TMCO6: variants seen among roughly 807,000 people sequenced by gnomAD.
The protein encoded by TMCO6 is transmembrane and coiled-coil domain-containing protein 6.
Under a neutral mutation model 61.8 loss-of-function variants are expected in TMCO6, and 47 were observed. The ratio of observed to expected loss-of-function variants is 0.76; its 90% confidence interval spans 0.60 to 0.97. The LOEUF (loss-of-function observed/expected upper bound fraction) is 0.97, where lower values mean the gene tolerates loss of function less well. Ranked by LOEUF, TMCO6 falls within the 50% of genes least tolerant of loss-of-function variation. TMCO6 has a pLI of 0.00. For synonymous variants in TMCO6, 261 were observed against 254.2 expected (o/e 1.03, Z -0.25); for missense variants, 557 against 601.6 (o/e 0.93, Z 0.78).
the TMCO6 span, among the ~76,000 whole-genome samples, chr5:140,629,176 G>A: frequency 1.3e-5 from 2 of 152,236 alleles, no homozygotes; most frequent in East Asian, 3.9e-4. Context: ...GGCTGAGGCA[G>A]GAGCATCACT....
the TMCO6 span, among the ~76,000 whole-genome samples, chr5:140,625,653 A>G: frequency 2.0e-5 from 3 of 152,198 alleles, no homozygotes; most frequent in Non-Finnish European, 2.9e-5. Flanking sequence ...CCACTGCAAT[A>G]TGAACACTTT....
the TMCO6 span, among the ~76,000 whole-genome samples, chr5:140,601,675 T>A: frequency 6.6e-6 from 1 of 152,192 alleles, no homozygotes. Flanking sequence ...CGTAAAGCAG[T>A]GTTTCTCAAA....
chr5:140,632,550 G>T, the TMCO6 span: 15 of 1,614,036 alleles, frequency 9.3e-6, no homozygotes, highest in Admixed American at 2.5e-4. This position sits in a 1 kb window ranked among gnomAD's most constrained non-coding sequence, Gnocchi z 6.2. Flanking sequence ...GCGCAAGCTG[G>T]AAAGTGCAAG....
the TMCO6 span, among the ~76,000 whole-genome samples, chr5:140,612,357 T>TGA: frequency 6.8e-6 from 1 of 147,102 alleles, no homozygotes; most frequent in African/African-American, 2.5e-5. Context: ...TTTTTTTTTT[T>TGA]GAGACGGAGT....
Position 140,639,864 on chromosome 5 carries a change from G to A in TMCO6, c.198+13G>A. On this transcript the variant is annotated intron_variant, in intron 2 of 11. Coordinates refer to ENST00000394671, the MANE Select transcript of TMCO6 (RefSeq NM_018502.5). The stretch of plus-strand genomic sequence containing the variant: ...CGGGGAAACCGAGGTGAGGGGGCAA[G>A]GTAGGGTGCGCTGGAGTCCACGCCC... 6.3e-7 allele frequency: 1 copy of A among 1,589,896 alleles called. No individual in the cohort carries two copies. The highest frequency in any genetic ancestry group is 8.6e-7 in the Non-Finnish European group (1 of 1,169,144).
At chr5:140,602,755 CTCTG>C in the TMCO6 span, among the ~76,000 whole-genome samples, 6 of 150,684 alleles carry the variant, frequency 4.0e-5, no homozygotes, top group Non-Finnish European at 5.9e-5. Context: ...TAGAGCAAAA[CTCTG>C]TCTCTCTCAC....
chr5:140,641,754 C>T lies in TMCO6; in HGVS notation c.288C>T (p.His96=), dbSNP rs1757047919. 3.1e-6 allele frequency: 5 copies of T among 1,614,216 alleles called. No homozygotes were observed. The highest frequency in any genetic ancestry group is 4.2e-6 in the Non-Finnish European group (5 of 1,180,042). ...TCAGCCTTCGTCGAGGCTTGCAGCACCCTGAAACACAGCAAACCTTCATCC... is the reference window on the plus strand; with the variant it reads ...TCAGCCTTCGTCGAGGCTTGCAGCATCCTGAAACACAGCAAACCTTCATCC... ...ALVSLRRGLQ[H]PETQQTFIRL... The change falls in exon 3 of 12, where the codon CAC becomes CAT. Residue 96 remains histidine (H), a synonymous_variant. Transcript: ENST00000394671.
chr5:140,646,172 G>A (rs544502632), downstream of TMCO6, among the ~76,000 whole-genome samples: 3 of 151,936 alleles, frequency 2.0e-5, no homozygotes, highest in Non-Finnish European at 4.4e-5. Context: ...CACCACACCC[G>A]GCTAATTTTT....
At chr5:140,612,862 T>C in the TMCO6 span, among the ~76,000 whole-genome samples, 1 of 152,222 alleles carries the variant, frequency 6.6e-6, no homozygotes, top group South Asian at 2.1e-4. Flanking sequence ...TTCCTCACTT[T>C]CCTTTTGGTC....
chr5:140,635,581 T>G (rs540095207), upstream of TMCO6, among the ~76,000 whole-genome samples: 7 of 152,294 alleles, frequency 4.6e-5, no homozygotes, highest in African/African-American at 1.7e-4. Flanking sequence ...CACAGCTTGA[T>G]TCAACAAATG....
chr5:140,620,848 A>G, the TMCO6 span, among the ~76,000 whole-genome samples: 1 of 151,976 alleles, frequency 6.6e-6, no homozygotes, highest in African/African-American at 2.4e-5. Flanking sequence ...TTGCCTCTAC[A>G]AAAAAATTTC....
chr5:140,627,472 A>C, the TMCO6 span, among the ~76,000 whole-genome samples: 1 of 152,198 alleles, frequency 6.6e-6, no homozygotes, highest in African/African-American at 2.4e-5. Context: ...CAAATGTATA[A>C]ATTTTGAAGA....
the TMCO6 span, among the ~76,000 whole-genome samples, chr5:140,624,756 G>A: frequency 2.6e-5 from 4 of 151,488 alleles, no homozygotes; most frequent in Non-Finnish European, 1.5e-5. Flanking sequence ...TCGAACTCCT[G>A]ACCTCAAGTG....
chr5:140,636,451 C>T (rs779427135), upstream of TMCO6, among the ~76,000 whole-genome samples: 14 of 146,518 alleles, frequency 9.6e-5, no homozygotes, highest in African/African-American at 2.1e-4. Flanking sequence ...CGTGGGCAAC[C>T]GAGCAAGACC....
intron 10 of TMCO6, among the ~76,000 whole-genome samples, 185 bp downstream of exon 10, chr5:140,644,379 A>C (rs1757257472): frequency 6.6e-6 from 1 of 152,116 alleles, no homozygotes; most frequent in Admixed American, 6.6e-5. Flanking sequence ...TCAACTAACC[A>C]CCTTAAGCTT....
chr5:140,618,995 C>T, the TMCO6 span, among the ~76,000 whole-genome samples: 3 of 152,072 alleles, frequency 2.0e-5, 1 homozygote, highest in African/African-American at 7.2e-5. Context: ...TTTAAAAAGT[C>T]TCCTCTATGA....
At chr5:140,599,522 G>T in the TMCO6 span, among the ~76,000 whole-genome samples, 1 of 152,182 alleles carries the variant, frequency 6.6e-6, no homozygotes, top group African/African-American at 2.4e-5. Context: ...TTCCAAACAA[G>T]ATGCTGCACA....
intron 5 of TMCO6, 33 bp downstream of exon 5, chr5:140,642,452 C>A: frequency 6.2e-7 from 1 of 1,607,482 alleles, no homozygotes; most frequent in Non-Finnish European, 8.5e-7. Flanking sequence ...GGCAACCCTT[C>A]CTTTGCTCCT....
At chr5:140,632,272 T>C in the TMCO6 span, 1 of 1,613,806 alleles carries the variant, frequency 6.2e-7, no homozygotes, top group Non-Finnish European at 8.5e-7. The surrounding 1 kb of genome is among the most constrained non-coding windows in gnomAD (Gnocchi z 6.2). Flanking sequence ...CACACGCCTG[T>C]GGGCGTCTCC....
Sources: gnomAD v4.1 joint callset for allele counts (sites outside exome capture counted in the v4.1 genomes callset) on GRCh38, gnomAD v4.1.1 for gene constraint, Gnocchi (gnomAD v3.1) non-coding constraint, MANE v1.5 for transcripts, NCBI Gene and HGNC (gene_info 2026-07-23, HGNC 2026-07-21) for gene names.